The following SAMD11 variants were observed in gnomAD, a reference collection of about 807,000 sequenced individuals.
SAMD11 encodes sterile alpha motif domain containing 11.
SAMD11 carries 77 observed loss-of-function variants against 64.4 expected under a neutral mutation model. The ratio of observed to expected loss-of-function variants is 1.20; its 90% confidence interval spans 0.99 to 1.44. The LOEUF is 1.44. SAMD11 is among the 40% of genes most tolerant of loss of function. The probability of loss-of-function intolerance (pLI) is 0.00; values close to 1 mark genes in which losing one functional copy is unlikely to be tolerated. For missense variants in SAMD11, 1,402 were observed against 943.3 expected (o/e 1.49, Z -6.37); for synonymous variants, 658 against 421.9 (o/e 1.56, Z -6.86).
In SAMD11 at chr1:942,905, G is replaced by C; in HGVS notation, c.1900G>C (p.Gly634Arg). 2 of 1,555,986 alleles carry C rather than the reference G, an allele frequency of 1.3e-6. No individual in the cohort carries two copies. The highest frequency in any genetic ancestry group is 1.7e-6 in the Non-Finnish European group (2 of 1,150,344). Reference protein sequence around the residue: ...SEDEPPKDSDGEDPETAAVGC... With the variant: ...SEDEPPKDSDREDPETAAVGC... ...AGACGAGCCCCCCAAAGACTCGGACGGAGAGGACCCCGAGACGGCAGCTGT... is the reference window on the plus strand; with the variant it reads ...AGACGAGCCCCCCAAAGACTCGGACCGAGAGGACCCCGAGACGGCAGCTGT... The change falls in exon 11 of 14, where the codon GGA becomes CGA. Residue 634 changes from glycine to arginine, a missense_variant. Coordinates refer to ENST00000616016, the MANE Select transcript of SAMD11 (RefSeq NM_001385641.1).
intron 2 of SAMD11, among the ~76,000 whole-genome samples, chr1:928,275 C>T (rs1427087896): frequency 1.3e-5 from 2 of 152,290 alleles, no homozygotes; most frequent in Admixed American, 6.5e-5. Context: ...GCCTGTAGTC[C>T]CAGCTACTTG....
chr1:925,646 A>G, intron 1 of SAMD11: 1 of 354,466 alleles, frequency 2.8e-6, no homozygotes, highest in Non-Finnish European at 5.3e-6. Context: ...GGGGCCGGGG[A>G]GAGGGTGGAG....
At position 942,672 on chromosome 1, in the gene SAMD11, G is replaced by A. The variant is rs1641859424; in HGVS notation, c.1667G>A (p.Arg556Gln). The change falls in exon 11 of 14, where the codon CGG (arginine) becomes CAG (glutamine). Residue 556 changes from arginine to glutamine, a missense_variant. By Grantham distance (43) the Arg-to-Gln change is conservative (BLOSUM62 1). Transcript: ENST00000616016. Reference sequence around the variant, plus strand: ...AACGACGGCGCCGAGGAGCTGCAGCGGCGCGGGGCCCTGCTGGTGCTGAAC... The same window carrying A: ...AACGACGGCGCCGAGGAGCTGCAGCAGCGCGGGGCCCTGCTGGTGCTGAAC... ...RPNDGAEELQ[R>Q]RGALLVLNHG... The A allele has an allele frequency of 7.0e-7, 1 of 1,429,886 alleles. No individual in the cohort carries two copies. The allele number at this position is 1,429,886 out of a possible 1,614,324, so 88.6% of individuals were successfully genotyped here.
chr1:939,362 G>A lies in SAMD11; in HGVS notation c.1145G>A (p.Ser382Asn). The A allele has an allele frequency of 3.1e-6, 5 of 1,610,534 alleles. No homozygotes were observed. The highest frequency in any genetic ancestry group is 4.2e-6 in the Non-Finnish European group (5 of 1,179,778). ...RRLVSALSEA[S>N]TFEDPQRLYH... Reference sequence around the variant, plus strand: ...CTTGTGTCAGCACTGAGCGAGGCCAGCACCTTTGAGGACCCTCAGCGCCTC... The same window carrying A: ...CTTGTGTCAGCACTGAGCGAGGCCAACACCTTTGAGGACCCTCAGCGCCTC... Residue 382 changes from serine (S) to asparagine (N), a missense_variant, in exon 7 of 14, where the codon AGC (serine) becomes AAC (asparagine). By Grantham distance (46) the Ser-to-Asn change is conservative. Coordinates refer to ENST00000616016, the MANE Select transcript of SAMD11 (RefSeq NM_001385641.1).
At chr1:925,856 C>G (rs779024986) in intron 1 of SAMD11, 66 bp from the exon 2 acceptor site, 1 of 1,190,544 alleles carries the variant, frequency 8.4e-7, no homozygotes. Context: ...GGGTACTGGC[C>G]CTGCCGCTGA....
Position 944,289 on chromosome 1 carries a change from A to C in SAMD11, c.*136A>C. The stretch of plus-strand genomic sequence containing the variant: ...AATTTTAAAAGAAAATGTGACTTCA[A>C]AGGAAAGGAACAAATTTTCAAAGAC... On this transcript the variant is annotated 3_prime_UTR_variant, in exon 14 of 14. Transcript: ENST00000616016. 7.0e-7 allele frequency: 1 copy of C among 1,421,036 alleles called. No homozygotes were observed. The highest frequency in any genetic ancestry group is 9.2e-7 in the Non-Finnish European group (1 of 1,090,558). 88.0% of individuals were successfully genotyped at this position (1,421,036 alleles called of 1,614,324 possible).
At position 944,160 on chromosome 1, in the gene SAMD11, C is replaced by CG. The variant is rs750441521; in HGVS notation, c.*12dup. On this transcript the variant is annotated 3_prime_UTR_variant, in exon 14 of 14. Coordinates refer to ENST00000616016, the MANE Select transcript of SAMD11 (RefSeq NM_001385641.1). ...TTCCCAGCCTCTGTGTTGAGGTTGC[C>CG]GGGGGTAGGGGTGGGGCCACACAAA... The CG allele has an allele frequency of 4.2e-5, 65 of 1,540,600 alleles. No individual in the cohort carries two copies. Among genetic ancestry groups the CG allele is most frequent in the African/African-American group, 5.5e-5 (4 of 72,734 alleles).
In SAMD11 at chr1:944,526, C is replaced by G. The variant is rs997175541; in HGVS notation, c.*373C>G. 2.2e-5 allele frequency: 14 copies of G among 626,324 alleles called. 1 individual carries two copies. The Middle Eastern group carries it at 3.4e-3, about 154-fold the overall frequency. 38.8% of individuals were successfully genotyped at this position (626,324 alleles called of 1,614,324 possible). On this transcript the variant is annotated 3_prime_UTR_variant, in exon 14 of 14. Transcript: ENST00000616016. ...GCCACACCAGCCCAGCCCAGCCCAGCTCTCGATACGTTTGGTCTTTCATGC... is the reference window on the plus strand; with the variant it reads ...GCCACACCAGCCCAGCCCAGCCCAGGTCTCGATACGTTTGGTCTTTCATGC...
chr1:926,140 CGAAGGGCAGGG>C, intron 2 of SAMD11, 127 bp downstream of exon 2: 1 of 898,314 alleles, frequency 1.1e-6, no homozygotes, highest in Admixed American at 2.0e-5. Context: ...AGGGAGCCTC[CGAAGGGCAGGG>C]GGAAGCGGCT....
chr1:940,025 C>G (rs1162855549), intron 7 of SAMD11, among the ~76,000 whole-genome samples: 1 of 152,148 alleles, frequency 6.6e-6, no homozygotes, highest in East Asian at 1.9e-4. Context: ...CTCAGCCTCC[C>G]AGGCCCCAGC....
rs539199516 is a variant in SAMD11, at chr1:936,629, C to G, written c.967+733C>G. On this transcript the variant is annotated intron_variant, in intron 5 of 13. Coordinates refer to ENST00000616016, the MANE Select transcript of SAMD11 (RefSeq NM_001385641.1). ...AAAGGAGGCGGGGGCGCCCCGAGGC[C>G]CTGTGGACCCCAGGCAGGGGTGTTC... Among the ~76,000 whole-genome samples, 11 of 152,214 alleles carry G rather than the reference C, an allele frequency of 7.2e-5. No individual in the cohort carries two copies. The South Asian group carries it at 2.3e-3, about 32-fold the overall frequency.
chr1:933,406 C>G (rs1045651904), intron 4 of SAMD11, among the ~76,000 whole-genome samples: 3 of 152,144 alleles, frequency 2.0e-5, no homozygotes. Flanking sequence ...GTGCCACTGC[C>G]CAGCCACAGC....
intron 5 of SAMD11, among the ~76,000 whole-genome samples, chr1:938,368 G>A (rs546621040): frequency 6.6e-6 from 1 of 152,270 alleles, no homozygotes; most frequent in South Asian, 2.1e-4. Context: ...GGTGGGTGAA[G>A]CTACTGGGAG....
At position 944,259 on chromosome 1, in the gene SAMD11, C is replaced by A; in HGVS notation, c.*106C>A. The A allele has an allele frequency of 6.9e-7, 1 of 1,452,972 alleles. No homozygotes were observed. The highest frequency in any genetic ancestry group is 9.1e-7 in the Non-Finnish European group (1 of 1,104,396). The allele number at this position is 1,452,972 out of a possible 1,614,324, so 90.0% of individuals were successfully genotyped here. ...ATTTCTTTCGGTTTCGGATGCAAAA[C>A]AAAAAATTTTAAAAGAAAATGTGAC... On this transcript the variant is annotated 3_prime_UTR_variant, in exon 14 of 14. Coordinates refer to ENST00000616016, the MANE Select transcript of SAMD11 (RefSeq NM_001385641.1).
chr1:942,408 A>G lies in SAMD11; in HGVS notation c.1475-2A>G, dbSNP rs1358365434. The G allele has an allele frequency of 2.1e-6, 3 of 1,412,830 alleles. No individual in the cohort carries two copies. The highest frequency in any genetic ancestry group is 3.1e-5 in the East Asian group (1 of 31,838). The allele number at this position is 1,412,830 out of a possible 1,614,324, so 87.5% of individuals were successfully genotyped here. On this transcript the variant is annotated splice_acceptor_variant, in intron 9 of 13. Transcript: ENST00000616016. LOFTEE classifies it high-confidence loss of function. ...ACCCCGCGTTGTCCCCCTCCCCACCAGGCTACGGCTTCCTGCCCCCCGCGC... is the reference window on the plus strand; with the variant it reads ...ACCCCGCGTTGTCCCCCTCCCCACCGGGCTACGGCTTCCTGCCCCCCGCGC...
chr1:936,994 T>G (rs1325746106), intron 5 of SAMD11, among the ~76,000 whole-genome samples: 1 of 152,104 alleles, frequency 6.6e-6, no homozygotes, highest in Non-Finnish European at 1.5e-5. Flanking sequence ...GTGCACGTGA[T>G]GGGGGTTGCC....
intron 2 of SAMD11, among the ~76,000 whole-genome samples, chr1:928,285 G>T (rs566461417): frequency 4.6e-5 from 7 of 152,218 alleles, no homozygotes; most frequent in African/African-American, 4.8e-5. Flanking sequence ...CCAGCTACTT[G>T]GGAGGCTGAG....
chr1:935,761 T>A lies in SAMD11; in HGVS notation c.843-11T>A, dbSNP rs1641399456. On this transcript the variant is annotated splice_polypyrimidine_tract_variant and intron_variant, in intron 4 of 13. Coordinates refer to ENST00000616016, the MANE Select transcript of SAMD11 (RefSeq NM_001385641.1). The stretch of plus-strand genomic sequence containing the variant: ...CCCACGGGGTCAGCTTTTCCCGGTC[T>A]CGTTCTGCAGCCAGGACGGCAACCT... 5.6e-6 allele frequency: 9 copies of A among 1,613,040 alleles called. No individual in the cohort carries two copies. The highest frequency in any genetic ancestry group is 7.6e-6 in the Non-Finnish European group (9 of 1,179,700).
chr1:940,208 C>T (rs945325385), intron 7 of SAMD11: 2 of 151,862 alleles, frequency 1.3e-5, no homozygotes, highest in East Asian at 1.9e-4. Flanking sequence ...TAATTGCTTT[C>T]CCTGCTCTGC....
Sources: gnomAD v4.1 joint callset for allele counts (sites outside exome capture counted in the v4.1 genomes callset) on GRCh38, gnomAD v4.1.1 for gene constraint, MANE v1.5 for transcripts, NCBI Gene and HGNC (gene_info 2026-07-23, HGNC 2026-07-21) for gene names.